CNTNAP2: variants seen among roughly 807,000 people sequenced by gnomAD.
CNTNAP2 encodes the protein contactin-associated protein-like 2.
A neutral mutation model predicts 155.2 loss-of-function variants in CNTNAP2; 98 were observed. The ratio of observed to expected loss-of-function variants is 0.63; its 90% CI spans 0.54 to 0.75. The LOEUF (loss-of-function observed/expected upper bound fraction) is 0.75, where lower values mean the gene tolerates loss of function less well. Ranked by LOEUF, CNTNAP2 falls within the 30% of genes least tolerant of loss-of-function variation. The pLI, the probability that CNTNAP2 is intolerant of heterozygous loss-of-function variation, is 0.00. For missense variants in CNTNAP2, 1,727 were observed against 1,688.1 expected, an observed-to-expected ratio of 1.02 and a Z score of -0.40; for synonymous variants, 651 against 631.2, an observed-to-expected ratio of 1.03 and a Z score of -0.47.
intron 14 of CNTNAP2, among the ~76,000 whole-genome samples, chr7:147,959,534 A>G (rs1464909623): frequency 6.6e-6 from 1 of 152,206 alleles, no homozygotes; most frequent in Non-Finnish European, 1.5e-5. Flanking sequence ...TTGCTCCCAC[A>G]GAGCAGGGCT....
chr7:147,526,934 A>G (rs867210990), intron 11 of CNTNAP2, among the ~76,000 whole-genome samples: 1 of 151,440 alleles, frequency 6.6e-6, no homozygotes, highest in Non-Finnish European at 1.5e-5. Context: ...TTAAGGCACC[A>G]TTAACTATTA....
intron 8 of CNTNAP2, among the ~76,000 whole-genome samples, chr7:147,188,790 T>A (rs1802620813): frequency 1.3e-5 from 2 of 152,176 alleles, no homozygotes; most frequent in South Asian, 4.2e-4. Context: ...AGAAGATTAA[T>A]TTGATGTGAG....
intron 1 of CNTNAP2, among the ~76,000 whole-genome samples, chr7:146,555,182 G>T (rs1444220825): frequency 6.6e-6 from 1 of 152,026 alleles, no homozygotes; most frequent in East Asian, 1.9e-4. Context: ...CCTTCAAAGA[G>T]CACTGGTACA....
intron 8 of CNTNAP2, among the ~76,000 whole-genome samples, chr7:147,221,304 T>G (rs937876587): frequency 6.6e-6 from 1 of 152,138 alleles, no homozygotes; most frequent in African/African-American, 2.4e-5. Flanking sequence ...GTTAAATCAA[T>G]TAAGAATAAG....
At position 147,604,868 on chromosome 7, in the gene CNTNAP2, T is replaced by C. The variant is rs1047527114; in HGVS notation, c.1898-34238T>C. Among the ~76,000 whole-genome samples, 4 of 152,210 alleles carry C rather than the reference T, an allele frequency of 2.6e-5. No homozygotes were observed. The South Asian group carries it at 8.3e-4, about 32-fold the overall frequency. ...GCCTTCAATAATGTGTTCTTTGGAA[T>C]TCAGATCTGCTCACTGCACATAGGT... On this transcript the variant is annotated intron_variant, in intron 12 of 23. Coordinates refer to ENST00000361727, the MANE Select transcript of CNTNAP2 (RefSeq NM_014141.6).
rs1450364877 is a variant in CNTNAP2 at position 147,300,249 on chromosome 7, G to C, written c.1457G>C (p.Ser486Thr). The change falls in exon 9 of 24, where the codon AGT becomes ACT. Residue 486 changes from serine to threonine, a missense_variant. Ser to Thr is a moderately conservative substitution (Grantham distance 58, BLOSUM62 1). Transcript: ENST00000361727. ...GDEASAVRTN[S>T]PLQVKTGEKY... ...GAAGCATCAGCAGTTCGAACTAATA[G>C]TCCCCTTCAAGTTAAAACTGGCGAG... 1 of 1,613,942 alleles carries C rather than the reference G, an allele frequency of 6.2e-7. No individual in the cohort carries two copies. The highest frequency in any genetic ancestry group is 8.5e-7 in the Non-Finnish European group (1 of 1,179,916).
chr7:147,428,353 A>G (rs1360807691), intron 10 of CNTNAP2, among the ~76,000 whole-genome samples: 5 of 152,032 alleles, frequency 3.3e-5, no homozygotes, highest in Non-Finnish European at 7.4e-5. Context: ...ACTACTTTGT[A>G]TTGTTATTTG....
chr7:147,936,287 C>T (rs1308753569), intron 14 of CNTNAP2, among the ~76,000 whole-genome samples: 10 of 141,594 alleles, frequency 7.1e-5, no homozygotes, highest in South Asian at 4.7e-4. Context: ...ATACTGTACA[C>T]GACATTTATT....
At chr7:147,824,755 G>T (rs1798421610) in intron 13 of CNTNAP2, among the ~76,000 whole-genome samples, 1 of 151,948 alleles carries the variant, frequency 6.6e-6, no homozygotes, top group East Asian at 1.9e-4. Context: ...TAATTGCAGA[G>T]CCTCAAATCG....
chr7:146,797,090 C>T (rs956978947), intron 2 of CNTNAP2, among the ~76,000 whole-genome samples: 5 of 152,046 alleles, frequency 3.3e-5, no homozygotes, highest in Admixed American at 2.6e-4. Context: ...GAGCCAAGAT[C>T]GCGCTACTGC....
chr7:146,933,567 CA>C (rs1796833526), intron 3 of CNTNAP2, among the ~76,000 whole-genome samples: 1 of 149,624 alleles, frequency 6.7e-6, no homozygotes, highest in Admixed American at 6.7e-5. Context: ...GCAATGGCAA[CA>C]AAAGCCAAAA....
chr7:148,374,208 T>C (rs1798940970), intron 21 of CNTNAP2, among the ~76,000 whole-genome samples: 2 of 152,172 alleles, frequency 1.3e-5, no homozygotes, highest in Non-Finnish European at 2.9e-5. Flanking sequence ...TTTTTTTTCT[T>C]CTCTTGGGTA....
At chr7:146,654,709 G>C (rs1799967425) in intron 1 of CNTNAP2, among the ~76,000 whole-genome samples, 1 of 152,064 alleles carries the variant, frequency 6.6e-6, no homozygotes, top group Non-Finnish European at 1.5e-5. Flanking sequence ...AATGATTGTG[G>C]TATGAAGTTA....
At chr7:148,245,187 G>A (rs1213413917) in intron 20 of CNTNAP2, among the ~76,000 whole-genome samples, 1 of 152,162 alleles carries the variant, frequency 6.6e-6, no homozygotes, top group East Asian at 1.9e-4. Flanking sequence ...AAAGGATACA[G>A]GTTGGCACAT....
At chr7:146,184,070 A>G (rs1798588881) in intron 1 of CNTNAP2, among the ~76,000 whole-genome samples, 1 of 152,124 alleles carries the variant, frequency 6.6e-6, no homozygotes. Flanking sequence ...CCATATGCCC[A>G]TGCTCAACTC....
chr7:146,790,833 T>A (rs1802659018), intron 2 of CNTNAP2, among the ~76,000 whole-genome samples: 1 of 151,654 alleles, frequency 6.6e-6, no homozygotes, highest in Non-Finnish European at 1.5e-5. Context: ...CCTCCCAAAG[T>A]GCTGGGATTA....
Position 147,132,432 on chromosome 7 carries a change from T to A in CNTNAP2, c.1271T>A (p.Ile424Asn). 1 of 1,613,640 alleles carries A rather than the reference T, an allele frequency of 6.2e-7. No homozygotes were observed. Among genetic ancestry groups the A allele is most frequent in the Non-Finnish European group, 8.5e-7 (1 of 1,179,750 alleles). Residue 424 changes from isoleucine (I) to asparagine (N), a missense_variant, in exon 8 of 24, where the codon ATT becomes AAT. By Grantham distance (149) the Ile-to-Asn change is moderately radical (BLOSUM62 -3). Transcript: ENST00000361727. ...GCGGATAATTTGGGCAATGTGGAGA[T>A]TGACCTCACTGAAAGCAAAGTGGGT... The part of the protein sequence containing the change: ...HFADNLGNVE[I>N]DLTESKVGVH...
At chr7:147,395,892 G>A in intron 10 of CNTNAP2, 112 bp downstream of exon 10, 2 of 1,205,644 alleles carry the variant, frequency 1.7e-6, no homozygotes, top group South Asian at 2.6e-5. Flanking sequence ...AACAGGTAAG[G>A]TGGAAATTAC....
At chr7:146,407,924 A>C (rs540801337) in intron 1 of CNTNAP2, among the ~76,000 whole-genome samples, 5 of 152,174 alleles carry the variant, frequency 3.3e-5, no homozygotes, top group African/African-American at 1.2e-4. Flanking sequence ...TTATTTTCTT[A>C]ATAATATTTT....
Sources: gnomAD v4.1 joint callset for allele counts (sites outside exome capture counted in the v4.1 genomes callset) on GRCh38, gnomAD v4.1.1 for gene constraint, MANE v1.5 for transcripts, NCBI Gene and HGNC (gene_info 2026-07-23, HGNC 2026-07-21) for gene names.